Variants in TSPAN15 observed in about 807,000 individuals in gnomAD.
TSPAN15 encodes the protein tetraspanin-15.
In TSPAN15, 20 loss-of-function variants were observed where a neutral mutation model predicts 34.5. The observed-to-expected ratio is 0.58, with a 90% CI of 0.41 to 0.84. The LOEUF is 0.84. Among genes scored for constraint, TSPAN15 ranks in the 40% least tolerant of loss-of-function variants. The pLI is 0.00. For synonymous variants in TSPAN15, 155 were observed against 153.9 expected (o/e 1.01, Z -0.05); for missense variants, 313 against 386.1 (o/e 0.81, Z 1.59).
chr10:69,499,109 G>A (rs577354020), intron 5 of TSPAN15, among the ~76,000 whole-genome samples: 4 of 152,324 alleles, frequency 2.6e-5, no homozygotes, highest in East Asian at 1.9e-4. Context: ...TGTTGTCAGC[G>A]CTTAAGTGAA....
intron 1 of TSPAN15, 29 bp from the exon 2 acceptor site, chr10:69,483,662 C>A (rs374464542): frequency 6.2e-7 from 1 of 1,603,468 alleles, no homozygotes; most frequent in Non-Finnish European, 8.5e-7. Context: ...ACCTCAGTCT[C>A]TCTCTCACCC....
chr10:69,455,965 C>T (rs1421475340), intron 1 of TSPAN15, among the ~76,000 whole-genome samples: 1 of 152,016 alleles, frequency 6.6e-6, no homozygotes, highest in East Asian at 1.9e-4. Context: ...GATTATCTAG[C>T]AGTATAGAAT....
chr10:69,456,246 A>G (rs1841106515), intron 1 of TSPAN15, among the ~76,000 whole-genome samples: 1 of 151,890 alleles, frequency 6.6e-6, no homozygotes, highest in Non-Finnish European at 1.5e-5. Flanking sequence ...TACTACCACG[A>G]TGGGCTAATT....
chr10:69,522,566 G>C, the TSPAN15 span, among the ~76,000 whole-genome samples: 2 of 146,500 alleles, frequency 1.4e-5, 1 homozygote, highest in Non-Finnish European at 3.0e-5. Context: ...TAGGAACCAG[G>C]CTGCACAGCA....
At chr10:69,491,778 G>A (rs1170307573) in intron 3 of TSPAN15, among the ~76,000 whole-genome samples, 1 of 152,138 alleles carries the variant, frequency 6.6e-6, no homozygotes, top group Non-Finnish European at 1.5e-5. Context: ...AGGGAGCCCC[G>A]GGCCACTCCT....
In TSPAN15 at chr10:69,458,711, T is replaced by C. The variant is rs150040404; in HGVS notation, c.96+7021T>C. Reference sequence around the variant, plus strand: ...CACAGAGCCTTTAAAATCCAGAGAATCAGGGCTGCAGCCCTGCCAGGGGTT... The same window carrying C: ...CACAGAGCCTTTAAAATCCAGAGAACCAGGGCTGCAGCCCTGCCAGGGGTT... On this transcript the variant is annotated intron_variant, in intron 1 of 7. Coordinates refer to ENST00000373290, the MANE Select transcript of TSPAN15 (RefSeq NM_012339.5). Among the ~76,000 whole-genome samples, 312 of 152,214 alleles carry C rather than the reference T, an allele frequency of 2.0e-3. 1 individual carries two copies. Among genetic ancestry groups the C allele is most frequent in the African/African-American group, 7.3e-3 (303 of 41,530 alleles).
At chr10:69,525,321 A>G in the TSPAN15 span, among the ~76,000 whole-genome samples, 17 of 147,862 alleles carry the variant, frequency 1.1e-4, no homozygotes, top group Admixed American at 7.0e-5. Flanking sequence ...ACTCTTCACT[A>G]AAGAAAATAT....
intron 1 of TSPAN15, among the ~76,000 whole-genome samples, chr10:69,475,162 C>T (rs985126117): frequency 6.6e-6 from 1 of 152,106 alleles, no homozygotes; most frequent in African/African-American, 2.4e-5. Context: ...GATGAAGTTG[C>T]TCTTGACTCT....
Position 69,506,816 on chromosome 10 carries a change from C to T in TSPAN15, c.736-13C>T, listed in dbSNP as rs1167511515. Reference sequence around the variant, plus strand: ...CCCAGCAGGCCCTCACCAGCCCTGCCCCTTCTTCTCAGTTCCTGGGGGTGC... The same window carrying T: ...CCCAGCAGGCCCTCACCAGCCCTGCTCCTTCTTCTCAGTTCCTGGGGGTGC... On this transcript the variant is annotated splice_polypyrimidine_tract_variant and intron_variant, in intron 7 of 7. Coordinates refer to ENST00000373290, the MANE Select transcript of TSPAN15 (RefSeq NM_012339.5). This position sits in a 1 kb window ranked among gnomAD's most constrained non-coding sequence, Gnocchi z 4.7. 4 of 1,567,630 alleles carry T rather than the reference C, an allele frequency of 2.6e-6. No homozygotes were observed. The highest frequency in any genetic ancestry group is 3.5e-6 in the Non-Finnish European group (4 of 1,155,974).
At chr10:69,465,285 A>T (rs999727059) in intron 1 of TSPAN15, among the ~76,000 whole-genome samples, 1 of 152,130 alleles carries the variant, frequency 6.6e-6, no homozygotes, top group Non-Finnish European at 1.5e-5. Context: ...TTCAGAGCAG[A>T]GACAAGATGA....
chr10:69,484,445 A>G (rs1440445224), intron 2 of TSPAN15, among the ~76,000 whole-genome samples: 1 of 152,200 alleles, frequency 6.6e-6, no homozygotes, highest in African/African-American at 2.4e-5. Context: ...TGGGGAGTCA[A>G]TCCTACCTGT....
chr10:69,478,408 C>T (rs954744336), intron 1 of TSPAN15, among the ~76,000 whole-genome samples: 1 of 152,174 alleles, frequency 6.6e-6, no homozygotes, highest in Non-Finnish European at 1.5e-5. Context: ...ACACGGAGCC[C>T]TGGACCTCAA....
At chr10:69,517,880 C>T in the TSPAN15 span, among the ~76,000 whole-genome samples, 2 of 152,130 alleles carry the variant, frequency 1.3e-5, no homozygotes, top group Non-Finnish European at 2.9e-5. Context: ...GAAAACTGGG[C>T]CCATGGGAAA....
the TSPAN15 span, among the ~76,000 whole-genome samples, chr10:69,524,765 T>C: frequency 7.5e-6 from 1 of 133,948 alleles, no homozygotes; most frequent in Admixed American, 8.3e-5. Flanking sequence ...AATAACAAGA[T>C]TATATATATA....
intron 1 of TSPAN15, among the ~76,000 whole-genome samples, chr10:69,478,692 G>A (rs1379880097): frequency 6.6e-6 from 1 of 152,104 alleles, no homozygotes; most frequent in Non-Finnish European, 1.5e-5. Flanking sequence ...TGCATAAAAC[G>A]AAATACACAC....
At chr10:69,532,826 T>A in the TSPAN15 span, among the ~76,000 whole-genome samples, 3 of 151,754 alleles carry the variant, frequency 2.0e-5, no homozygotes, top group East Asian at 5.8e-4. Context: ...CTCAAACAAA[T>A]CATCAAGAAA....
intron 3 of TSPAN15, among the ~76,000 whole-genome samples, chr10:69,490,402 G>A (rs115040781): frequency 0.073 from 11,072 of 152,142 alleles, 1,296 homozygotes; most frequent in African/African-American, 0.25. Flanking sequence ...CCTGTAAATT[G>A]CAACACTCCT....
chr10:69,489,048 TCA>T (rs576024980), intron 3 of TSPAN15, among the ~76,000 whole-genome samples: 268 of 152,264 alleles, frequency 1.8e-3, no homozygotes, highest in South Asian at 3.3e-3. Flanking sequence ...AGGGTGTATT[TCA>T]GTCCTTATCT....
chr10:69,516,342 C>T, the TSPAN15 span, among the ~76,000 whole-genome samples: 1 of 152,226 alleles, frequency 6.6e-6, no homozygotes, highest in South Asian at 2.1e-4. Context: ...CTGCCTGCAT[C>T]TGAGTAGCTG....
Sources: gnomAD v4.1 joint callset for allele counts (sites outside exome capture counted in the v4.1 genomes callset) on GRCh38, gnomAD v4.1.1 for gene constraint, Gnocchi (gnomAD v3.1) non-coding constraint, MANE v1.5 for transcripts, NCBI Gene and HGNC (gene_info 2026-07-23, HGNC 2026-07-21) for gene names.